Variants in NPM2 observed in about 807,000 individuals in gnomAD.
The protein encoded by NPM2 is nucleophosmin/nucleoplasmin 2.
Under a neutral mutation model 32.0 loss-of-function variants are expected in NPM2, and 25 were observed. That is an observed-to-expected ratio of 0.78 (90% confidence interval 0.57 to 1.09). The LOEUF (loss-of-function observed/expected upper bound fraction) is 1.09. Ranked by LOEUF, NPM2 falls within the 50% of genes least tolerant of loss-of-function variation. NPM2 has a pLI of 0.00. For missense variants in NPM2, 282 were observed against 259.9 expected, an observed-to-expected ratio of 1.08 and a Z score of -0.58; for synonymous variants, 111 against 94.2, an observed-to-expected ratio of 1.18 and a Z score of -1.04.
chr8:22,025,706 A>G lies in NPM2; in HGVS notation c.204A>G (p.Ala68=). Residue 68 remains alanine, a synonymous_variant, in exon 5 of 10, where the codon GCA becomes GCG. Coordinates refer to ENST00000518119, the MANE Select transcript of NPM2 (RefSeq NM_001286680.2). ...ATCGCGTGGAGATCCTGCCCCCAGCAAACCAGGAGGACAAGAAGATGCAGC... is the reference window on the plus strand; with the variant it reads ...ATCGCGTGGAGATCCTGCCCCCAGCGAACCAGGAGGACAAGAAGATGCAGC... The part of the protein sequence containing the change: ...EMHRVEILPP[A]NQEDKKMQPV... 1.2e-6 allele frequency: 2 copies of G among 1,614,102 alleles called. No individual in the cohort carries two copies. The highest frequency in any genetic ancestry group is 1.7e-6 in the Non-Finnish European group (2 of 1,179,992).
At chr8:22,034,606 G>A in intron 8 of NPM2, 62 bp downstream of exon 8, 1 of 1,345,878 alleles carries the variant, frequency 7.4e-7, no homozygotes, top group Non-Finnish European at 1.1e-6. Flanking sequence ...GTGTTAGAAA[G>A]AATACTGTGC....
In NPM2 at chr8:22,034,008, C is replaced by T. The variant is rs1001514771; in HGVS notation, c.365-101C>T. On this transcript the variant is annotated intron_variant, in intron 6 of 9. Coordinates refer to ENST00000518119, the MANE Select transcript of NPM2 (RefSeq NM_001286680.2). ...TGTCAACTCCAGGCTAGGATTCCTC[C>T]AGGGCAGTGCTTGGAGCAACACGGA... 14 of 1,495,662 alleles carry T rather than the reference C, an allele frequency of 9.4e-6. No homozygotes were observed. In the African/African-American group the frequency reaches 1.8e-4, roughly 19 times the overall value. The allele number at this position is 1,495,662 out of a possible 1,614,324, so 92.6% of individuals were successfully genotyped here.
chr8:22,026,282 G>A (rs1367939559), intron 5 of NPM2, among the ~76,000 whole-genome samples: 1 of 151,920 alleles, frequency 6.6e-6, no homozygotes, highest in African/African-American at 2.4e-5. Context: ...TTGTCTTCCA[G>A]GAAACCATTC....
chr8:22,029,486 T>C (rs1800364663), intron 5 of NPM2, among the ~76,000 whole-genome samples: 1 of 152,226 alleles, frequency 6.6e-6, no homozygotes, highest in East Asian at 1.9e-4. Context: ...TCAAGTGTTC[T>C]AGCTCCAACT....
At position 22,025,317 on chromosome 8, in the gene NPM2, A is replaced by G. The variant is rs764699581; in HGVS notation, c.58+11A>G. The G allele has an allele frequency of 1.2e-6, 2 of 1,604,728 alleles. No homozygotes were observed. The highest frequency in any genetic ancestry group is 1.3e-5 in the African/African-American group (1 of 74,392). On this transcript the variant is annotated intron_variant, in intron 3 of 9. Transcript: ENST00000518119. ...CGACCGTGCTCTGGGGTGAGTGGGG[A>G]CTCAGGCTCCTTCCCAGAGACACGC... is the stretch of plus-strand genomic sequence containing the variant.
chr8:22,025,725 A>G lies in NPM2; in HGVS notation c.223A>G (p.Met75Val), dbSNP rs1221976344. The change falls in exon 5 of 10, where the codon ATG (methionine) becomes GTG (valine). Residue 75 changes from methionine (M) to valine (V), a missense_variant. By Grantham distance (21) the Met-to-Val change is conservative (BLOSUM62 1). Coordinates refer to ENST00000518119, the MANE Select transcript of NPM2 (RefSeq NM_001286680.2). Reference protein sequence around the residue: ...LPPANQEDKKMQPVTIASLQA... With the variant: ...LPPANQEDKKVQPVTIASLQA... ...CCCAGCAAACCAGGAGGACAAGAAG[A>G]TGCAGCCGGTCACCATTGCCTCACT... The G allele has an allele frequency of 1.2e-6, 2 of 1,614,098 alleles. No homozygotes were observed.
intron 6 of NPM2, among the ~76,000 whole-genome samples, chr8:22,033,829 C>T (rs1320295027): frequency 6.6e-6 from 1 of 152,294 alleles, no homozygotes; most frequent in South Asian, 2.1e-4. Flanking sequence ...AATATGAATC[C>T]CCCTCCTACC....
chr8:22,027,258 C>G (rs1339987828), intron 5 of NPM2, among the ~76,000 whole-genome samples: 1 of 152,202 alleles, frequency 6.6e-6, no homozygotes, highest in Non-Finnish European at 1.5e-5. Flanking sequence ...GAATGGAAGA[C>G]TAGGATCAGC....
chr8:22,036,440 G>C (rs1800622933), intron 8 of NPM2, 53 bp from the exon 9 acceptor site: 2 of 1,570,810 alleles, frequency 1.3e-6, no homozygotes, highest in African/African-American at 2.7e-5. Context: ...GTCTGGAGCT[G>C]AGCTCTCTCC....
At chr8:22,025,873 G>C (rs887641199) in intron 5 of NPM2, 101 bp downstream of exon 5, 2 of 1,538,976 alleles carry the variant, frequency 1.3e-6, no homozygotes, top group African/African-American at 2.7e-5. Context: ...ACAGAAATGA[G>C]CCATGCTAGG....
At chr8:22,034,421 G>A in intron 7 of NPM2, 89 bp from the exon 8 acceptor site, 1 of 1,395,556 alleles carries the variant, frequency 7.2e-7, no homozygotes, top group Non-Finnish European at 1.0e-6. Context: ...CTGGCCAGGA[G>A]CTCAGCGGGG....
Position 22,034,264 on chromosome 8 carries a change from A to G in NPM2, c.520A>G (p.Ser174Gly). The change falls in exon 7 of 10, where the codon AGC (serine) becomes GGC (glycine). Residue 174 changes from serine (S) to glycine (G), a missense_variant. Ser to Gly is a moderately conservative substitution (Grantham distance 56, BLOSUM62 0). Transcript: ENST00000518119. ...AAGGCTGGTGCCCCAGAAGCAGGCG[A>G]GCGTGGCTAAGGTGGGGGAAGGAGC... ...VKRLVPQKQA[S>G]VAKKKKLEKE... 3 of 1,593,328 alleles carry G rather than the reference A, an allele frequency of 1.9e-6. No individual in the cohort carries two copies. The highest frequency in any genetic ancestry group is 2.6e-6 in the Non-Finnish European group (3 of 1,170,010).
Position 22,034,198 on chromosome 8 carries a change from G to C in NPM2, c.454G>C (p.Asp152His). ...GGAAGATGATGAGGATGAGGATGCA[G>C]ATATATCTCTGGAGGAGCAAAGCCC... Reference protein sequence around the residue: ...EEEDDEDEDADISLEEQSPVK... With the variant: ...EEEDDEDEDAHISLEEQSPVK... The change falls in exon 7 of 10, where the codon GAT becomes CAT. Residue 152 changes from aspartate to histidine, a missense_variant. Coordinates refer to ENST00000518119, the MANE Select transcript of NPM2 (RefSeq NM_001286680.2). 1.9e-6 allele frequency: 3 copies of C among 1,613,080 alleles called. No individual in the cohort carries two copies. Among genetic ancestry groups the C allele is most frequent in the Non-Finnish European group, 8.5e-7 (1 of 1,179,652 alleles).
At chr8:22,025,825 T>G in intron 5 of NPM2, 53 bp downstream of exon 5, 1 of 1,608,156 alleles carries the variant, frequency 6.2e-7, no homozygotes, top group South Asian at 1.1e-5. Flanking sequence ...CCCTCACCCT[T>G]GGGTGGGGAT....
Position 22,025,521 on chromosome 8 carries a change from G to A in NPM2, c.144G>A (p.Thr48=), listed in dbSNP as rs146074761. The A allele has an allele frequency of 3.1e-6, 5 of 1,614,052 alleles. No homozygotes were observed. The highest frequency in any genetic ancestry group is 1.1e-5 in the South Asian group (1 of 91,064). ...AGAGCTGCAGGCTGTTGCTTCATAC[G>A]GTAGGTGTTCCCAAAAGAGGGGAGG... is the stretch of plus-strand genomic sequence containing the variant. ...GKQSCRLLLH[T]ICLGEKAKEE... The change falls in exon 4 of 10, where the codon ACG becomes ACA. Residue 48 remains threonine, a splice_region_variant and synonymous_variant. Transcript: ENST00000518119.
At chr8:22,026,359 G>C (rs1800253363) in intron 5 of NPM2, among the ~76,000 whole-genome samples, 1 of 151,572 alleles carries the variant, frequency 6.6e-6, no homozygotes, top group South Asian at 2.1e-4. Flanking sequence ...GAACATGGTC[G>C]ATCTACATAT....
At chr8:22,025,096 C>A in intron 2 of NPM2, 120 bp from the exon 3 acceptor site, 1 of 755,014 alleles carries the variant, frequency 1.3e-6, no homozygotes, top group South Asian at 1.9e-5. Context: ...TTGACCGTGG[C>A]AGGTCCCCTC....
At chr8:22,033,246 GA>G in intron 6 of NPM2, 23 bp downstream of exon 6, 2 of 1,580,400 alleles carry the variant, frequency 1.3e-6, no homozygotes, top group Non-Finnish European at 1.7e-6. Flanking sequence ...CTGCGATCAG[GA>G]AGGTCCGTGA....
At chr8:22,034,421 G>T in intron 7 of NPM2, 89 bp from the exon 8 acceptor site, 1 of 1,395,564 alleles carries the variant, frequency 7.2e-7, no homozygotes, top group Admixed American at 1.8e-5. Flanking sequence ...CTGGCCAGGA[G>T]CTCAGCGGGG....
Sources: allele counts gnomAD v4.1 joint callset (sites outside exome capture counted in the v4.1 genomes callset), GRCh38; gene constraint gnomAD v4.1.1; transcripts MANE v1.5; gene names NCBI Gene and HGNC (gene_info 2026-07-23, HGNC 2026-07-21).